The following EPHA6 variants were observed in gnomAD, a reference collection of about 807,000 sequenced individuals.
EPHA6 encodes the protein EPH receptor A6.
EPHA6 carries 50 observed loss-of-function variants against 112.0 expected under a neutral mutation model. The ratio of observed to expected loss-of-function variants is 0.45; its 90% confidence interval spans 0.36 to 0.56. The LOEUF (loss-of-function observed/expected upper bound fraction) is 0.56. Among genes scored for constraint, EPHA6 ranks in the 20% least tolerant of loss-of-function variants. EPHA6 has a pLI of 0.00. For missense variants in EPHA6, 1,280 were observed against 1,417.4 expected (o/e 0.90, Z 1.56); for synonymous variants, 529 against 490.7 (o/e 1.08, Z -1.03).
intron 6 of EPHA6, among the ~76,000 whole-genome samples, chr3:97,411,457 G>C (rs948784955): frequency 2.6e-5 from 4 of 152,040 alleles, no homozygotes; most frequent in Non-Finnish European, 4.4e-5. Flanking sequence ...CCTCTAAAGT[G>C]TCTCCTGTTT....
intron 3 of EPHA6, among the ~76,000 whole-genome samples, chr3:97,161,395 C>A (rs947454233): frequency 1.3e-5 from 2 of 152,162 alleles, no homozygotes; most frequent in Non-Finnish European, 2.9e-5. Flanking sequence ...ACTACCACTA[C>A]CGCTGACACT....
intron 1 of EPHA6, among the ~76,000 whole-genome samples, chr3:96,820,065 C>T (rs972052580): frequency 6.6e-6 from 1 of 151,932 alleles, no homozygotes. Context: ...AAGTGCGTAA[C>T]ATATAGTGGA....
At chr3:97,066,811 C>T (rs889294471) in intron 3 of EPHA6, among the ~76,000 whole-genome samples, 1 of 152,096 alleles carries the variant, frequency 6.6e-6, no homozygotes, top group Non-Finnish European at 1.5e-5. Context: ...ATTTTACATG[C>T]CTGAGCACTA....
intron 5 of EPHA6, among the ~76,000 whole-genome samples, chr3:97,324,195 T>C (rs1318342189): frequency 2.6e-5 from 4 of 152,080 alleles, no homozygotes; most frequent in African/African-American, 9.7e-5. Context: ...CAAAGATTCC[T>C]GCTTAACAGA....
chr3:97,649,865 G>T lies in EPHA6; in HGVS notation c.2784+11783G>T, dbSNP rs770191310. ...TCAAATGTATTGACCATTATAATTC[G>T]CTGATGAGGAAGAAATCGATGCGCT... On this transcript the variant is annotated intron_variant, in intron 14 of 17. Coordinates refer to ENST00000389672, the MANE Select transcript of EPHA6 (RefSeq NM_001080448.3). Among the ~76,000 whole-genome samples the T allele has an allele frequency of 2.0e-5, 3 of 151,766 alleles. No individual in the cohort carries two copies. The East Asian group carries it at 5.8e-4, about 29-fold the overall frequency.
chr3:97,074,379 A>T (rs2046452024), intron 3 of EPHA6, among the ~76,000 whole-genome samples: 1 of 151,996 alleles, frequency 6.6e-6, no homozygotes, highest in South Asian at 2.1e-4. Context: ...TTACACTTGT[A>T]CCAGCAGTGT....
At position 97,749,756 on chromosome 3, in the gene EPHA6, A is replaced by G. The variant is rs1208899486; in HGVS notation, c.*1055A>G. 1.3e-5 allele frequency among the ~76,000 whole-genome samples: 2 copies of G among 152,206 alleles called. No individual in the cohort carries two copies. The highest frequency in any genetic ancestry group is 3.8e-4 in the East Asian group (2 of 5,202). On this transcript the variant is annotated 3_prime_UTR_variant, in exon 18 of 18. Coordinates refer to ENST00000389672, the MANE Select transcript of EPHA6 (RefSeq NM_001080448.3). ...GATACATGGTGGCCCAAGAAAATAA[A>G]CAGACTTAGCTGATCATTTGGTATT...
chr3:96,877,772 T>C (rs190714917), intron 2 of EPHA6, among the ~76,000 whole-genome samples: 28 of 152,114 alleles, frequency 1.8e-4, no homozygotes, highest in Non-Finnish European at 3.7e-4. Flanking sequence ...AAACCTGTTG[T>C]GCTAATAAAT....
At chr3:97,101,161 T>C (rs1472797330) in intron 3 of EPHA6, among the ~76,000 whole-genome samples, 1 of 152,042 alleles carries the variant, frequency 6.6e-6, no homozygotes, top group Non-Finnish European at 1.5e-5. Context: ...TTTGAACATA[T>C]AAATTATTTA....
chr3:97,260,317 G>A (rs933184936), intron 5 of EPHA6, among the ~76,000 whole-genome samples: 1 of 152,144 alleles, frequency 6.6e-6, no homozygotes, highest in African/African-American at 2.4e-5. Context: ...GTTTCTGTCA[G>A]GGTTATAGAA....
intron 14 of EPHA6, among the ~76,000 whole-genome samples, chr3:97,656,035 T>C (rs747118269): frequency 8.6e-5 from 13 of 151,932 alleles, no homozygotes; most frequent in Non-Finnish European, 1.6e-4. Flanking sequence ...TATTGTACTT[T>C]TATGGTAAAC....
At chr3:97,612,791 T>C (rs1385616368) in intron 13 of EPHA6, among the ~76,000 whole-genome samples, 1 of 152,004 alleles carries the variant, frequency 6.6e-6, no homozygotes, top group Non-Finnish European at 1.5e-5. Flanking sequence ...TACTCATCTA[T>C]AAAATTCTCT....
intron 4 of EPHA6, 68 bp downstream of exon 4, chr3:97,226,487 A>G: frequency 7.2e-7 from 1 of 1,394,870 alleles, no homozygotes; most frequent in Non-Finnish European, 9.7e-7. Flanking sequence ...TTCTAAATTT[A>G]AAAAATAAGT....
chr3:97,489,899 G>A (rs982487153), intron 10 of EPHA6, among the ~76,000 whole-genome samples: 1 of 152,004 alleles, frequency 6.6e-6, no homozygotes, highest in African/African-American at 2.4e-5. Flanking sequence ...TCAGGAGCAG[G>A]ACTGTATATC....
chr3:97,693,879 CTAT>C lies in EPHA6; in HGVS notation c.2785-26375_2785-26373del, dbSNP rs1267489616. ...TCAGTAAGCACTCAATAAATGTTAG[CTAT>C]TATTATAATCATCATCATCATCATT... On this transcript the variant is annotated intron_variant, in intron 14 of 17. Coordinates refer to ENST00000389672, the MANE Select transcript of EPHA6 (RefSeq NM_001080448.3). Among the ~76,000 whole-genome samples, 2 of 152,210 alleles carry C rather than the reference CTAT, an allele frequency of 1.3e-5. 1 individual carries two copies. The highest frequency in any genetic ancestry group is 4.2e-4 in the South Asian group (2 of 4,816).
chr3:97,231,026 C>T (rs2078509123), intron 4 of EPHA6, among the ~76,000 whole-genome samples: 1 of 152,092 alleles, frequency 6.6e-6, no homozygotes, highest in Non-Finnish European at 1.5e-5. Context: ...ACTGTGTCTG[C>T]AGTTTCTCAA....
chr3:97,493,985 T>A (rs2091915607), intron 10 of EPHA6, among the ~76,000 whole-genome samples: 1 of 152,292 alleles, frequency 6.6e-6, no homozygotes, highest in Non-Finnish European at 1.5e-5. Flanking sequence ...GTTAAGACTA[T>A]AAGAAAGATT....
intron 14 of EPHA6, among the ~76,000 whole-genome samples, chr3:97,701,712 TA>T (rs1363166923): frequency 3.9e-5 from 6 of 151,914 alleles, no homozygotes; most frequent in African/African-American, 1.4e-4. Flanking sequence ...CTTCTTTTTT[TA>T]TATATACCTA....
chr3:96,932,499 T>G (rs2107660336), intron 2 of EPHA6, among the ~76,000 whole-genome samples: 1 of 152,354 alleles, frequency 6.6e-6, no homozygotes, highest in South Asian at 2.1e-4. Flanking sequence ...TTCACATTAC[T>G]TAAACCATAC....
Sources: allele counts gnomAD v4.1 joint callset (sites outside exome capture counted in the v4.1 genomes callset), GRCh38; gene constraint gnomAD v4.1.1; transcripts MANE v1.5; gene names NCBI Gene and HGNC (gene_info 2026-07-23, HGNC 2026-07-21).